Variants in GALNT13 observed in about 807,000 individuals in gnomAD.
The protein encoded by GALNT13 is UDP-GalNAc:polypeptide N-acetylgalactosaminyltransferase 13.
In GALNT13, 28 loss-of-function variants were observed where a neutral mutation model predicts 64.2. The ratio of observed to expected loss-of-function variants is 0.44; its 90% CI spans 0.32 to 0.60. GALNT13 has a LOEUF of 0.60. Among genes scored for constraint, GALNT13 ranks in the 20% least tolerant of loss-of-function variants. GALNT13 has a pLI of 0.05. For synonymous variants in GALNT13, 214 were observed against 224.6 expected (o/e 0.95, Z 0.42); for missense variants, 577 against 669.8 (o/e 0.86, Z 1.53).
the GALNT13 span, among the ~76,000 whole-genome samples, chr2:153,261,242 C>G: frequency 6.6e-6 from 1 of 152,046 alleles, no homozygotes; most frequent in Non-Finnish European, 1.5e-5. Context: ...TTGTGCTTTC[C>G]TGTATTGTCT....
the GALNT13 span, among the ~76,000 whole-genome samples, chr2:153,570,350 C>G: frequency 6.6e-6 from 1 of 151,942 alleles, no homozygotes; most frequent in Non-Finnish European, 1.5e-5. Context: ...GCTGTCAATC[C>G]CTTGTCAGAT....
the GALNT13 span, among the ~76,000 whole-genome samples, chr2:153,636,586 T>G: frequency 2.6e-5 from 4 of 152,114 alleles, no homozygotes; most frequent in Non-Finnish European, 5.9e-5. Context: ...TATTTCTGGT[T>G]TTTAAATTTG....
the GALNT13 span, among the ~76,000 whole-genome samples, chr2:153,234,788 C>T: frequency 6.6e-6 from 1 of 152,094 alleles, no homozygotes; most frequent in Non-Finnish European, 1.5e-5. Context: ...TTTCTCTCTT[C>T]ACATCTAATT....
the GALNT13 span, among the ~76,000 whole-genome samples, chr2:153,782,947 G>A: frequency 8.5e-5 from 13 of 152,284 alleles, no homozygotes; most frequent in South Asian, 2.1e-4. Context: ...CCAGGTGAGC[G>A]TGCTTGAAGG....
intron 3 of GALNT13, among the ~76,000 whole-genome samples, chr2:154,117,221 C>T (rs555098232): frequency 6.6e-6 from 1 of 152,126 alleles, no homozygotes; most frequent in African/African-American, 2.4e-5. Context: ...TTTGGCAACA[C>T]CCTCACAGAC....
At chr2:153,169,145 C>A in the GALNT13 span, among the ~76,000 whole-genome samples, 4 of 152,200 alleles carry the variant, frequency 2.6e-5, no homozygotes, top group Non-Finnish European at 2.9e-5. Flanking sequence ...CTGATATGCA[C>A]CATACCTATT....
At chr2:153,299,760 C>T in the GALNT13 span, among the ~76,000 whole-genome samples, 116 of 152,278 alleles carry the variant, frequency 7.6e-4, no homozygotes, top group African/African-American at 2.7e-3. Flanking sequence ...GGAGGATCTC[C>T]AACACAGTTG....
At chr2:153,480,261 A>G in the GALNT13 span, among the ~76,000 whole-genome samples, 1 of 152,302 alleles carries the variant, frequency 6.6e-6, no homozygotes, top group Non-Finnish European at 1.5e-5. Context: ...GTTTCTTAAA[A>G]CATCATTTAT....
At chr2:154,401,066 A>T (rs541589034) in intron 10 of GALNT13, among the ~76,000 whole-genome samples, 1 of 152,292 alleles carries the variant, frequency 6.6e-6, no homozygotes, top group African/African-American at 2.4e-5. Context: ...ATGTTTCGAC[A>T]TTAGCATATG....
chr2:153,214,706 C>T, the GALNT13 span, among the ~76,000 whole-genome samples: 7 of 152,074 alleles, frequency 4.6e-5, no homozygotes. Flanking sequence ...CATTTTAATA[C>T]TTAGACTAAC....
intron 9 of GALNT13, among the ~76,000 whole-genome samples, chr2:154,313,935 A>G (rs1024014809): frequency 4.6e-5 from 7 of 152,232 alleles, no homozygotes; most frequent in East Asian, 3.9e-4. Flanking sequence ...TTCTACCCCA[A>G]TTGGATTGGA....
the GALNT13 span, among the ~76,000 whole-genome samples, chr2:153,088,898 C>T: frequency 6.6e-6 from 1 of 152,032 alleles, no homozygotes; most frequent in South Asian, 2.1e-4. Context: ...ATCTCAGATA[C>T]CTTGTAGGTG....
At chr2:154,173,754 T>C (rs921422282) in intron 4 of GALNT13, among the ~76,000 whole-genome samples, 1 of 152,032 alleles carries the variant, frequency 6.6e-6, no homozygotes, top group Non-Finnish European at 1.5e-5. Flanking sequence ...AAAGAAGACA[T>C]ACAAAAGGCC....
At chr2:154,293,652 A>G (rs1047662600) in intron 8 of GALNT13, among the ~76,000 whole-genome samples, 2 of 152,174 alleles carry the variant, frequency 1.3e-5, no homozygotes, top group Non-Finnish European at 2.9e-5. Flanking sequence ...TCACAAGTAT[A>G]CATAGCATGT....
the GALNT13 span, among the ~76,000 whole-genome samples, chr2:153,242,051 G>A: frequency 6.6e-6 from 1 of 152,080 alleles, no homozygotes; most frequent in Non-Finnish European, 1.5e-5. Flanking sequence ...CAGCAATTTG[G>A]GGGCTCATGT....
In GALNT13 at chr2:154,414,678, A is replaced by G. The variant is rs74581082; in HGVS notation, c.1395+5596A>G. Reference sequence around the variant, plus strand: ...TAGTGATATTGTTGCTTATGTTTCCATTGGGGGTTGAAAGGGGTCTTTTTT... The same window carrying G: ...TAGTGATATTGTTGCTTATGTTTCCGTTGGGGGTTGAAAGGGGTCTTTTTT... On this transcript the variant is annotated intron_variant, in intron 11 of 12. Transcript: ENST00000392825. Among the ~76,000 whole-genome samples the G allele has an allele frequency of 9.3e-3, 1,421 of 152,056 alleles. 21 individuals are homozygous for G. The highest frequency in any genetic ancestry group is 0.043 in the South Asian group (207 of 4,832).
chr2:153,329,261 A>G, the GALNT13 span, among the ~76,000 whole-genome samples: 5 of 152,298 alleles, frequency 3.3e-5, no homozygotes, highest in African/African-American at 1.2e-4. Flanking sequence ...CCATCTTGCC[A>G]GCCTCCCCAA....
At chr2:153,761,659 G>A in the GALNT13 span, 1 of 152,524 alleles carries the variant, frequency 6.6e-6, no homozygotes, top group Non-Finnish European at 1.5e-5. Flanking sequence ...ACCATTCTCA[G>A]GAAAGTTTAC....
At chr2:153,807,229 TTAGA>T in the GALNT13 span, among the ~76,000 whole-genome samples, 3 of 143,124 alleles carry the variant, frequency 2.1e-5, no homozygotes, top group East Asian at 1.9e-4. Context: ...ACCTTTTATA[TTAGA>T]TAGATAGACA....
Sources: gnomAD v4.1 joint callset for allele counts (sites outside exome capture counted in the v4.1 genomes callset) on GRCh38, gnomAD v4.1.1 for gene constraint, MANE v1.5 for transcripts, NCBI Gene and HGNC (gene_info 2026-07-23, HGNC 2026-07-21) for gene names.